RNF207: variants seen among roughly 807,000 people sequenced by gnomAD.
The protein encoded by RNF207 is OTTHUMG00000001089.
RNF207 carries 72 observed loss-of-function variants against 79.0 expected under a neutral mutation model. That is an observed-to-expected ratio of 0.91 (90% CI 0.75 to 1.11). RNF207 has a LOEUF of 1.11. Among genes scored for constraint, RNF207 ranks in the 50% least tolerant of loss-of-function variants. RNF207 has a pLI of 0.00. For missense variants in RNF207, 936 were observed against 855.8 expected (o/e 1.09, Z -1.17); for synonymous variants, 348 against 366.2 (o/e 0.95, Z 0.57).
chr1:6,212,155 G>A (rs1272442999), intron 13 of RNF207, 76 bp from the exon 14 acceptor site: 3 of 1,549,932 alleles, frequency 1.9e-6, no homozygotes, highest in East Asian at 2.3e-5. Context: ...GAAGCTGGGA[G>A]CCATTCCTCC....
At chr1:6,218,798 T>G (rs1262593140) in intron 17 of RNF207, among the ~76,000 whole-genome samples, 1 of 152,152 alleles carries the variant, frequency 6.6e-6, no homozygotes, top group Non-Finnish European at 1.5e-5. Flanking sequence ...GATCTTTGTG[T>G]ATTTTGCTTT....
intron 16 of RNF207, among the ~76,000 whole-genome samples, chr1:6,216,685 C>T (rs1349983080): frequency 6.6e-6 from 1 of 151,664 alleles, no homozygotes; most frequent in Non-Finnish European, 1.5e-5. Context: ...CTCGCCCTCA[C>T]GAGTAGCTGG....
chr1:6,209,089 C>T (rs1442090442), intron 4 of RNF207, 26 bp from the exon 5 acceptor site: 2 of 1,548,468 alleles, frequency 1.3e-6, no homozygotes, highest in African/African-American at 1.4e-5. Flanking sequence ...GACCGGAGCC[C>T]TCACCACCGC....
chr1:6,208,508 A>G, intron 3 of RNF207: 1 of 198,510 alleles, frequency 5.0e-6, no homozygotes, highest in East Asian at 1.5e-4. Context: ...TATTAGAGAC[A>G]GGGTTTCGCC....
At chr1:6,214,630 C>CTTTTTTTTTTTTTTTTTTTTTTTT (rs144139448) in intron 16 of RNF207, among the ~76,000 whole-genome samples, 1 of 70,660 alleles carries the variant, frequency 1.4e-5, no homozygotes, top group Non-Finnish European at 2.6e-5. Context: ...ATATTTCTTT[C>CTTTTTTTTTTTTTTTTTTTTTTTT]TTTTTTTTTT....
intron 16 of RNF207, among the ~76,000 whole-genome samples, chr1:6,216,544 G>A (rs1413894687): frequency 6.6e-6 from 1 of 151,428 alleles, no homozygotes; most frequent in Admixed American, 6.6e-5. Context: ...CAGCACTCGT[G>A]AGCATCGCCA....
Position 6,207,932 on chromosome 1 carries a change from G to A in RNF207, c.324+421G>A. On this transcript the variant is annotated intron_variant, in intron 3 of 17. Transcript: ENST00000377939. This position sits in a 1 kb window ranked among gnomAD's most constrained non-coding sequence, Gnocchi z 4.5. The stretch of plus-strand genomic sequence containing the variant: ...TCCCTCTGGGCTGTAAAAGGCACAG[G>A]GGACTCTGGCCTGCGGAGGCCAGAA... 2.8e-6 allele frequency: 1 copy of A among 351,922 alleles called. No individual in the cohort carries two copies. The highest frequency in any genetic ancestry group is 2.3e-5 in the South Asian group (1 of 44,040). 21.8% of individuals were successfully genotyped at this position (351,922 alleles called of 1,614,324 possible).
intron 3 of RNF207, 174 bp from the exon 4 acceptor site, chr1:6,208,707 T>C: frequency 1.6e-6 from 1 of 607,710 alleles, no homozygotes; most frequent in Non-Finnish European, 2.7e-6. Context: ...AGTGCCCTCC[T>C]CTGTAAAGTG....
In RNF207 at chr1:6,210,300, A is replaced by G. The variant is rs1383441771; in HGVS notation, c.873+5A>G. 6.2e-7 allele frequency: 1 copy of G among 1,613,820 alleles called. No individual in the cohort carries two copies. The highest frequency in any genetic ancestry group is 1.1e-5 in the South Asian group (1 of 91,080). On this transcript the variant is annotated splice_donor_5th_base_variant and intron_variant, in intron 9 of 17. Coordinates refer to ENST00000377939, the MANE Select transcript of RNF207 (RefSeq NM_207396.3). ...ACCTTGCTGCCCACCCTGCAGGTAC[A>G]GGGAGCTCGGGGTGCGGGTGGGTCC...
At position 6,209,469 on chromosome 1, in the gene RNF207, TG is replaced by T; in HGVS notation, c.685del (p.Val229TrpfsTer88). 1 of 1,505,944 alleles carries T rather than the reference TG, an allele frequency of 6.6e-7. No homozygotes were observed. The highest frequency in any genetic ancestry group is 8.8e-7 in the Non-Finnish European group (1 of 1,133,606). The allele number at this position is 1,505,944 out of a possible 1,614,324, so 93.3% of individuals were successfully genotyped here. The part of the protein sequence containing the change: ...TREAIALLQA[M>X]VEEVRHSAAE... ...GAGGCCATCGCGCTGCTGCAGGCCA[TG>T]GTGGAGGAGGTGCGGCACAGCGCCG... On this transcript the variant is annotated frameshift_variant, in exon 7 of 18. Coordinates refer to ENST00000377939, the MANE Select transcript of RNF207 (RefSeq NM_207396.3). LOFTEE classifies it high-confidence loss of function.
In RNF207 at chr1:6,219,342, G is replaced by T. The variant is rs1307259903; in HGVS notation, c.1840G>T (p.Asp614Tyr). 6 of 1,613,082 alleles carry T rather than the reference G, an allele frequency of 3.7e-6. No homozygotes were observed. Among genetic ancestry groups the T allele is most frequent in the Non-Finnish European group, 5.1e-6 (6 of 1,179,770 alleles). ...AGAAGAGCCTCTACTGAAAAATATG[G>T]ATCATCACAGATCCAAACAGAAAAA... The part of the protein sequence containing the change: ...LSEEPLLKNM[D>Y]HHRSKQKNGG... The change falls in exon 18 of 18, where the codon GAT becomes TAT. Residue 614 changes from aspartate to tyrosine, a missense_variant. Physicochemically the swap from Asp to Tyr is radical, Grantham distance 160. Transcript: ENST00000377939.
At chr1:6,218,256 CCCTT>C in intron 16 of RNF207, 29 bp from the exon 17 acceptor site, 2 of 1,539,340 alleles carry the variant, frequency 1.3e-6, no homozygotes, top group Non-Finnish European at 1.8e-6. Context: ...TGGCTCTGCT[CCCTT>C]GAGATTCTGG....
chr1:6,218,050 C>T (rs1028404198), intron 16 of RNF207, among the ~76,000 whole-genome samples: 2 of 152,270 alleles, frequency 1.3e-5, no homozygotes, highest in African/African-American at 2.4e-5. Flanking sequence ...CCTCCCTCAG[C>T]GTGTCTGGCC....
chr1:6,214,630 C>CTTTCTTTT (rs1668298424), intron 16 of RNF207, among the ~76,000 whole-genome samples: 2 of 70,628 alleles, frequency 2.8e-5, no homozygotes, highest in African/African-American at 1.4e-4. Flanking sequence ...ATATTTCTTT[C>CTTTCTTTT]TTTTTTTTTT....
In RNF207 at chr1:6,206,682, G is replaced by T; in HGVS notation, c.147G>T (p.Leu49=). 6.2e-7 allele frequency: 1 copy of T among 1,604,474 alleles called. No individual in the cohort carries two copies. The change falls in exon 2 of 18, where the codon CTG becomes CTT. Residue 49 remains leucine (L), a synonymous_variant. Transcript: ENST00000377939. ...DCFHDFCAGC[L]RGRATDGRLT... ...TCCACGACTTCTGTGCCGGCTGCCT[G>T]CGTGGCCGCGCGACCGACGGCCGCC...
rs377749748 is a variant in RNF207 at position 6,212,660 on chromosome 1, A to G, written c.1483-22A>G. 251 of 1,609,518 alleles carry G rather than the reference A, an allele frequency of 1.6e-4. 1 individual carries two copies. The highest frequency in any genetic ancestry group is 1.4e-3 in the Admixed American group (82 of 60,010). ...TAAATTCAGCTCACTGCCACATCCA[A>G]TGTCCAGCTTTTCTCTTTCAGATTT... On this transcript the variant is annotated intron_variant, in intron 14 of 17. Coordinates refer to ENST00000377939, the MANE Select transcript of RNF207 (RefSeq NM_207396.3).
Position 6,209,210 on chromosome 1 carries a change from A to T in RNF207, c.551+14A>T. ...CGACATGCAGAAGTGCGTACAGGGG[A>T]CGCGAGGGGAGGGGGCTGGGGGCCG... On this transcript the variant is annotated intron_variant, in intron 5 of 17. Coordinates refer to ENST00000377939, the MANE Select transcript of RNF207 (RefSeq NM_207396.3). 6.4e-7 allele frequency: 1 copy of T among 1,551,138 alleles called. No homozygotes were observed. The highest frequency in any genetic ancestry group is 8.7e-7 in the Non-Finnish European group (1 of 1,147,244).
chr1:6,215,163 G>A (rs375089989), intron 16 of RNF207, among the ~76,000 whole-genome samples: 1 of 151,428 alleles, frequency 6.6e-6, no homozygotes, highest in Admixed American at 6.6e-5. Flanking sequence ...CGAGTAGCTG[G>A]GATTACAGGC....
rs1418609856 is a variant in RNF207, at chr1:6,221,059, T to C, written c.*1652T>C. On this transcript the variant is annotated 3_prime_UTR_variant, in exon 18 of 18. Coordinates refer to ENST00000377939, the MANE Select transcript of RNF207 (RefSeq NM_207396.3). Reference sequence around the variant, plus strand: ...CCTGCAGGGCAAAAGGAATTATCATTACAACTGGTTAGAGGTAGGAATTCA... The same window carrying C: ...CCTGCAGGGCAAAAGGAATTATCATCACAACTGGTTAGAGGTAGGAATTCA... 2 of 152,210 alleles carry C rather than the reference T, an allele frequency of 1.3e-5. No individual in the cohort carries two copies. The highest frequency in any genetic ancestry group is 4.8e-5 in the African/African-American group (2 of 41,446). The allele number at this position is 152,210 out of a possible 1,614,324, so 9.4% of individuals were successfully genotyped here.
Sources: allele counts gnomAD v4.1 joint callset (sites outside exome capture counted in the v4.1 genomes callset), GRCh38; gene constraint gnomAD v4.1.1; non-coding constraint Gnocchi (gnomAD v3.1); transcripts MANE v1.5; gene names NCBI Gene and HGNC (gene_info 2026-07-23, HGNC 2026-07-21).